Variants in UCK2 observed in about 807,000 individuals in gnomAD.
UCK2 encodes uridine-cytidine kinase 2.
In UCK2, 6 loss-of-function variants were observed where a neutral mutation model predicts 30.8. The ratio of observed to expected loss-of-function variants is 0.19; its 90% CI spans 0.11 to 0.38. The LOEUF (loss-of-function observed/expected upper bound fraction) is 0.38, where lower values mean the gene tolerates loss of function less well. Among genes scored for constraint, UCK2 ranks in the 10% least tolerant of loss-of-function variants. UCK2 has a pLI of 1.00. For synonymous variants in UCK2, 125 were observed against 133.6 expected (o/e 0.94, Z 0.45); for missense variants, 210 against 339.8 (o/e 0.62, Z 3.00).
At chr1:165,853,621 C>G (rs147208395) in intron 1 of UCK2, among the ~76,000 whole-genome samples, 162 of 152,126 alleles carry the variant, frequency 1.1e-3, no homozygotes, top group African/African-American at 3.8e-3. Flanking sequence ...AAACATCATC[C>G]TTACCCAGAA....
chr1:165,829,461 T>G (rs1653987796), intron 1 of UCK2, among the ~76,000 whole-genome samples: 1 of 152,218 alleles, frequency 6.6e-6, no homozygotes, highest in Non-Finnish European at 1.5e-5. Flanking sequence ...CCTAGCACAA[T>G]GCCTGCCTGG....
At chr1:165,895,843 T>A (rs1655884012) in intron 3 of UCK2, 2 of 211,618 alleles carry the variant, frequency 9.5e-6, no homozygotes, top group Non-Finnish European at 1.7e-5. Context: ...TGGAGACGCC[T>A]TCAGAGAAAA....
At chr1:165,842,736 T>C (rs1654360500) in intron 1 of UCK2, among the ~76,000 whole-genome samples, 1 of 152,238 alleles carries the variant, frequency 6.6e-6, no homozygotes, top group Admixed American at 6.5e-5. Flanking sequence ...GCAACTCCGA[T>C]GTTGCCTGTC....
chr1:165,855,985 T>C (rs1481527957), intron 1 of UCK2, among the ~76,000 whole-genome samples: 2 of 150,732 alleles, frequency 1.3e-5, no homozygotes, highest in Non-Finnish European at 2.9e-5. Context: ...GAATCTGTGC[T>C]GTCTATAGCA....
At chr1:165,890,717 A>C (rs78565185) in intron 2 of UCK2, 4 of 283,168 alleles carry the variant, frequency 1.4e-5, no homozygotes, top group Admixed American at 9.1e-5. Context: ...TCAGGTGTAC[A>C]TGTGTGTTCA....
intron 1 of UCK2, among the ~76,000 whole-genome samples, chr1:165,838,475 T>C (rs928691013): frequency 6.6e-5 from 10 of 152,214 alleles, no homozygotes; most frequent in African/African-American, 1.7e-4. Flanking sequence ...CGTGTCTCCT[T>C]CTCATGATCA....
At chr1:165,864,745 T>C (rs574924146) in intron 1 of UCK2, among the ~76,000 whole-genome samples, 38 of 152,302 alleles carry the variant, frequency 2.5e-4, no homozygotes, top group African/African-American at 8.7e-4. Context: ...ATTGGCATGA[T>C]CATAGCTCAC....
chr1:165,831,448 T>C (rs1417753220), intron 1 of UCK2, among the ~76,000 whole-genome samples: 2 of 152,120 alleles, frequency 1.3e-5, no homozygotes, highest in African/African-American at 4.8e-5. Context: ...CACTAAAAGG[T>C]GGAAAAAAAC....
At chr1:165,889,182 G>A (rs1046686268) in intron 1 of UCK2, among the ~76,000 whole-genome samples, 2 of 152,200 alleles carry the variant, frequency 1.3e-5, no homozygotes, top group African/African-American at 2.4e-5. Flanking sequence ...GGTGACACAC[G>A]TTTGTGAAAA....
At chr1:165,895,553 A>C in intron 3 of UCK2, 1 of 985,550 alleles carries the variant, frequency 1.0e-6, no homozygotes, top group Non-Finnish European at 1.2e-6. Context: ...TAGGGAGCTC[A>C]GGATTGACCT....
At chr1:165,886,297 C>T (rs968698509) in intron 1 of UCK2, among the ~76,000 whole-genome samples, 4 of 151,864 alleles carry the variant, frequency 2.6e-5, no homozygotes, top group Admixed American at 6.6e-5. Flanking sequence ...TTCTTTTTTT[C>T]TCTCTTATTT....
At chr1:165,898,557 C>G (rs1204745763) in intron 4 of UCK2, among the ~76,000 whole-genome samples, 1 of 152,164 alleles carries the variant, frequency 6.6e-6, no homozygotes, top group Non-Finnish European at 1.5e-5. Flanking sequence ...ACTAGTCCAG[C>G]AGTGGTACTC....
intron 1 of UCK2, among the ~76,000 whole-genome samples, chr1:165,860,938 T>C (rs1251990836): frequency 3.3e-5 from 5 of 152,006 alleles, no homozygotes; most frequent in Non-Finnish European, 7.4e-5. Context: ...TTGAGAAAAA[T>C]AAAAGAAAGC....
At position 165,896,159 on chromosome 1, in the gene UCK2, C is replaced by T. The variant is rs1442148434; in HGVS notation, c.357-31C>T. On this transcript the variant is annotated intron_variant, in intron 3 of 6. Transcript: ENST00000367879. ...CTGTCCCTTGCTAGCCCCTGCCTGG[C>T]TTGGCCCATTATCTGCTCTGTGCTT... 15 of 1,613,080 alleles carry T rather than the reference C, an allele frequency of 9.3e-6. No homozygotes were observed. The Admixed American group carries it at 2.3e-4, about 25-fold the overall frequency.
intron 1 of UCK2, among the ~76,000 whole-genome samples, chr1:165,877,932 C>A (rs1655379922): frequency 6.6e-6 from 1 of 152,110 alleles, no homozygotes; most frequent in Non-Finnish European, 1.5e-5. Flanking sequence ...TTATCAACAC[C>A]CCCCATCAGA....
chr1:165,900,710 G>C (rs925520483), intron 4 of UCK2: 1 of 152,668 alleles, frequency 6.6e-6, no homozygotes, highest in Non-Finnish European at 1.5e-5. Context: ...CTGTGTGTGC[G>C]TGCGTGCGTT....
At chr1:165,890,025 T>C (rs1655726035) in intron 1 of UCK2, among the ~76,000 whole-genome samples, 179 bp from the exon 2 acceptor site, 1 of 152,178 alleles carries the variant, frequency 6.6e-6, no homozygotes, top group African/African-American at 2.4e-5. Flanking sequence ...CGTGATCTTA[T>C]TCTTTTTATG....
intron 1 of UCK2, among the ~76,000 whole-genome samples, chr1:165,886,326 G>A (rs1447627447): frequency 6.6e-6 from 1 of 151,846 alleles, no homozygotes; most frequent in Non-Finnish European, 1.5e-5. Context: ...ATAGAGTCTT[G>A]CTCTGTTGCC....
chr1:165,900,977 TGGAG>T (rs990403211), intron 4 of UCK2, among the ~76,000 whole-genome samples: 4 of 152,298 alleles, frequency 2.6e-5, no homozygotes, highest in Non-Finnish European at 4.4e-5. Context: ...TGTGAAGAAT[TGGAG>T]GCCGCGCTGG....
Sources: gnomAD v4.1 joint callset for allele counts (sites outside exome capture counted in the v4.1 genomes callset) on GRCh38, gnomAD v4.1.1 for gene constraint, MANE v1.5 for transcripts, NCBI Gene and HGNC (gene_info 2026-07-23, HGNC 2026-07-21) for gene names.